Variants in SPMIP11 observed in about 807,000 individuals in gnomAD.
SPMIP11 encodes the protein sperm microtubule inner protein 11, also known as long intergenic non-protein coding RNA 935.
chr12:48,744,131 C>T, the SPMIP11 span, among the ~76,000 whole-genome samples: 4 of 151,270 alleles, frequency 2.6e-5, no homozygotes, highest in African/African-American at 9.7e-5. Context: ...GCCTGTAATC[C>T]CAGCTACTCA....
the SPMIP11 span, among the ~76,000 whole-genome samples, chr12:48,752,434 C>T: frequency 6.6e-6 from 1 of 152,190 alleles, no homozygotes; most frequent in Non-Finnish European, 1.5e-5. Flanking sequence ...CCAGAACTCT[C>T]ATGTCTACCA....
chr12:48,755,872 TTTC>T, the SPMIP11 span, among the ~76,000 whole-genome samples: 11 of 134,978 alleles, frequency 8.1e-5, no homozygotes, highest in African/African-American at 1.9e-4. Flanking sequence ...CCTCAGTTTC[TTTC>T]TTTTTTTTTT....
the SPMIP11 span, among the ~76,000 whole-genome samples, chr12:48,746,432 T>C: frequency 7.1e-6 from 1 of 140,278 alleles, no homozygotes; most frequent in South Asian, 2.5e-4. Context: ...AGTGGCACAA[T>C]CTCGGCTCAC....
chr12:48,732,028 A>G, the SPMIP11 span, among the ~76,000 whole-genome samples: 1 of 151,938 alleles, frequency 6.6e-6, no homozygotes, highest in African/African-American at 2.4e-5. Context: ...ACACACCTGT[A>G]ATCCTAGCTA....
the SPMIP11 span, among the ~76,000 whole-genome samples, chr12:48,732,521 G>C: frequency 5.9e-5 from 9 of 151,890 alleles, no homozygotes; most frequent in Non-Finnish European, 7.4e-5. Context: ...TGTAATCCCA[G>C]CACTTTGGGA....
At chr12:48,749,477 A>T in the SPMIP11 span, among the ~76,000 whole-genome samples, 3 of 150,682 alleles carry the variant, frequency 2.0e-5, no homozygotes, top group African/African-American at 7.3e-5. Context: ...AAAAATAAAA[A>T]ATTAGCCGGG....
the SPMIP11 span, among the ~76,000 whole-genome samples, chr12:48,743,933 CAAAAAAAAAAAAA>C: frequency 2.6e-3 from 92 of 34,900 alleles, no homozygotes; most frequent in African/African-American, 9.2e-3. Flanking sequence ...GACTTCGTCT[CAAAAAAAAAAAAA>C]AAAAAAAAAA....
the SPMIP11 span, among the ~76,000 whole-genome samples, chr12:48,737,246 CG>C: frequency 6.6e-6 from 1 of 151,516 alleles, no homozygotes; most frequent in Non-Finnish European, 1.5e-5. Flanking sequence ...CCACATCGCC[CG>C]GTCTCTGGAA....
the SPMIP11 span, chr12:48,727,557 CAAGT>C: frequency 1.4e-6 from 1 of 702,768 alleles, no homozygotes; most frequent in Non-Finnish European, 2.6e-6. Flanking sequence ...ACTGAAGAAA[CAAGT>C]AAGGGGAATA....
chr12:48,744,774 G>A, the SPMIP11 span, among the ~76,000 whole-genome samples: 6 of 147,782 alleles, frequency 4.1e-5, no homozygotes, highest in South Asian at 1.3e-3. Flanking sequence ...GGAGGAAGAG[G>A]AAGAGGAGGG....
At chr12:48,743,540 C>T in the SPMIP11 span, among the ~76,000 whole-genome samples, 1 of 152,158 alleles carries the variant, frequency 6.6e-6, no homozygotes, top group Non-Finnish European at 1.5e-5. Flanking sequence ...GCCATGGTGG[C>T]TCACACCTAT....
At chr12:48,743,792 C>T in the SPMIP11 span, among the ~76,000 whole-genome samples, 4 of 151,890 alleles carry the variant, frequency 2.6e-5, no homozygotes, top group African/African-American at 9.7e-5. Flanking sequence ...ATTAGCTGGG[C>T]GTGGTGGCAG....
chr12:48,728,580 C>T, the SPMIP11 span, among the ~76,000 whole-genome samples: 2 of 151,824 alleles, frequency 1.3e-5, no homozygotes, highest in South Asian at 2.1e-4. Context: ...TGATGGCGGG[C>T]GCCTGTAGTC....
the SPMIP11 span, chr12:48,770,814 T>C: frequency 6.2e-7 from 1 of 1,614,240 alleles, no homozygotes; most frequent in Non-Finnish European, 8.5e-7. Flanking sequence ...ATGTGCTTCA[T>C]CTGCTCCATG....
the SPMIP11 span, among the ~76,000 whole-genome samples, chr12:48,733,951 T>C: frequency 2.6e-5 from 4 of 151,928 alleles, no homozygotes; most frequent in Admixed American, 2.6e-4. Context: ...TTATATTTTT[T>C]AGTAGAGACA....
At chr12:48,734,804 C>A in the SPMIP11 span, among the ~76,000 whole-genome samples, 1 of 151,742 alleles carries the variant, frequency 6.6e-6, no homozygotes, top group Non-Finnish European at 1.5e-5. Flanking sequence ...CAGATCGAGA[C>A]CATCCTGGCT....
the SPMIP11 span, chr12:48,768,904 G>A: frequency 1.9e-6 from 3 of 1,588,354 alleles, no homozygotes; most frequent in South Asian, 1.2e-5. Context: ...CCGGGCCCAT[G>A]TTCCTCCCAG....
chr12:48,735,768 C>A, the SPMIP11 span, among the ~76,000 whole-genome samples: 1 of 151,972 alleles, frequency 6.6e-6, no homozygotes, highest in African/African-American at 2.4e-5. Flanking sequence ...CCTGTAATCC[C>A]AGCTACTTGG....
the SPMIP11 span, among the ~76,000 whole-genome samples, chr12:48,747,692 C>T: frequency 6.6e-6 from 1 of 152,196 alleles, no homozygotes; most frequent in Non-Finnish European, 1.5e-5. Flanking sequence ...CCAAGTTTTG[C>T]TTCAACCATA....
Sources: allele counts gnomAD v4.1 joint callset (sites outside exome capture counted in the v4.1 genomes callset), GRCh38; gene constraint gnomAD v4.1.1; transcripts MANE v1.5; gene names NCBI Gene and HGNC (gene_info 2026-07-23, HGNC 2026-07-21).